WDPCP: variants seen among roughly 807,000 people sequenced by gnomAD.
WDPCP encodes WD repeat containing planar cell polarity effector.
WDPCP carries 71 observed loss-of-function variants against 93.1 expected under a neutral mutation model. The observed-to-expected ratio is 0.76, with a 90% CI of 0.63 to 0.93. WDPCP has a LOEUF of 0.93. WDPCP is among the 40% of genes least tolerant of loss of function. The probability of loss-of-function intolerance (pLI) is 0.00; values close to 1 mark genes in which losing one functional copy is unlikely to be tolerated. For missense variants in WDPCP, 844 were observed against 887.4 expected, an observed-to-expected ratio of 0.95 and a Z score of 0.62; for synonymous variants, 315 against 315.0, an observed-to-expected ratio of 1.00 and a Z score of 0.00.
intron 2 of WDPCP, among the ~76,000 whole-genome samples, chr2:63,722,274 A>G (rs1669428773): frequency 7.5e-6 from 1 of 133,378 alleles, no homozygotes; most frequent in South Asian, 2.4e-4. Flanking sequence ...CATCCCACCT[A>G]GGAAGTGAGG....
In WDPCP at chr2:63,640,378, C is replaced by G. The variant is rs149875447; in HGVS notation, n.488+10281G>C. On this transcript the variant is annotated intron_variant and non_coding_transcript_variant, in intron 3 of 4. Coordinates refer to the WDPCP transcript ENST00000467687. ...ATGTAGCAGTGTTCCCCTGTAGTCC[C>G]AGCTATTCAGGTGGCAGTGGCAGGA... 9.0e-3 allele frequency among the ~76,000 whole-genome samples: 1,374 copies of G among 152,242 alleles called. 20 individuals are homozygous for G. Among genetic ancestry groups the G allele is most frequent in the African/African-American group, 0.032 (1,328 of 41,552 alleles).
chr2:63,486,537 C>T lies in WDPCP; in HGVS notation c.253+5G>A. ...ATAATTCCAAAAAATATAAAGTAAG[C>T]TTACACTCTGCCAGCTTCTGCTTCT... On this transcript the variant is annotated splice_donor_5th_base_variant and intron_variant, in intron 4 of 17. Coordinates refer to ENST00000272321, the MANE Select transcript of WDPCP (RefSeq NM_015910.7). The T allele has an allele frequency of 6.4e-7, 1 of 1,568,512 alleles. No homozygotes were observed.
intron 2 of WDPCP, among the ~76,000 whole-genome samples, chr2:63,657,653 C>T (rs978616821): frequency 1.3e-5 from 2 of 152,054 alleles, no homozygotes; most frequent in Non-Finnish European, 2.9e-5. Flanking sequence ...GGTAAGCGGG[C>T]GGATTTGAGA....
intron 8 of WDPCP, 100 bp from the exon 9 acceptor site, chr2:63,434,036 C>T (rs1341525374): frequency 2.4e-6 from 3 of 1,229,770 alleles, no homozygotes; most frequent in Admixed American, 2.0e-5. Context: ...TAGTTACATG[C>T]AAGTAAATAT....
chr2:63,654,918 G>A lies in WDPCP; in HGVS notation n.309-4080C>T, dbSNP rs567198508. On this transcript the variant is annotated intron_variant and non_coding_transcript_variant, in intron 2 of 4. Coordinates refer to the WDPCP transcript ENST00000467687. ...GAACCACAGATATGGGGGACTGACT[G>A]TACTGGGATTAAGCTTTGCCTTTGC... Among the ~76,000 whole-genome samples, 15 of 152,186 alleles carry A rather than the reference G, an allele frequency of 9.9e-5. 1 individual carries two copies. In the South Asian group the frequency reaches 2.7e-3, roughly 27 times the overall value.
intron 2 of WDPCP, among the ~76,000 whole-genome samples, chr2:63,715,052 C>G (rs1185444215): frequency 6.6e-6 from 1 of 152,156 alleles, no homozygotes; most frequent in Non-Finnish European, 1.5e-5. Context: ...AGGCCAGACA[C>G]AAAGGTCACA....
chr2:63,125,445 C>A (rs1669828435), intron 17 of WDPCP, among the ~76,000 whole-genome samples: 1 of 152,118 alleles, frequency 6.6e-6, no homozygotes, highest in Admixed American at 6.6e-5. Flanking sequence ...AACTCTAAGA[C>A]ATGTTTAGTT....
At chr2:63,659,263 C>T (rs1226136220) in intron 2 of WDPCP, among the ~76,000 whole-genome samples, 1 of 152,058 alleles carries the variant, frequency 6.6e-6, no homozygotes, top group African/African-American at 2.4e-5. Context: ...TAATAATGGT[C>T]GAGAGAAAAA....
intron 2 of WDPCP, among the ~76,000 whole-genome samples, chr2:63,766,239 A>G (rs1311396283): frequency 6.6e-6 from 1 of 152,210 alleles, no homozygotes; most frequent in Non-Finnish European, 1.5e-5. Flanking sequence ...CTCCCTGAAC[A>G]TATACATTAC....
chr2:63,249,144 C>G (rs1680516274), intron 14 of WDPCP, among the ~76,000 whole-genome samples: 1 of 151,964 alleles, frequency 6.6e-6, no homozygotes, highest in Non-Finnish European at 1.5e-5. Flanking sequence ...GCCATCTTTC[C>G]CGGTCTTTGC....
intron 1 of WDPCP, among the ~76,000 whole-genome samples, chr2:63,557,166 C>T (rs1015712770): frequency 6.6e-6 from 1 of 151,816 alleles, no homozygotes; most frequent in African/African-American, 2.4e-5. Context: ...CTCATTTAAC[C>T]GTAAATGTAA....
chr2:63,146,708 A>G (rs1671536695), intron 17 of WDPCP, among the ~76,000 whole-genome samples: 1 of 152,162 alleles, frequency 6.6e-6, no homozygotes, highest in African/African-American at 2.4e-5. Flanking sequence ...TATGTATGCT[A>G]AAGTGGCTAA....
At chr2:63,354,019 C>G (rs1340766538) in intron 12 of WDPCP, among the ~76,000 whole-genome samples, 6 of 152,168 alleles carry the variant, frequency 3.9e-5, no homozygotes, top group Admixed American at 3.3e-4. Context: ...ACAGAGCCTT[C>G]AGGGGCAACT....
At chr2:63,594,562 T>A in intron 3 of WDPCP, 1 of 1,613,452 alleles carries the variant, frequency 6.2e-7, no homozygotes, top group Non-Finnish European at 8.5e-7. Context: ...GTATTGGAAA[T>A]GGATCTGTCT....
intron 3 of WDPCP, among the ~76,000 whole-genome samples, chr2:63,636,753 C>A (rs1709924662): frequency 6.6e-6 from 1 of 152,040 alleles, no homozygotes; most frequent in Non-Finnish European, 1.5e-5. Context: ...GAATACAGAG[C>A]CCAGAAATAA....
intron 1 of WDPCP, among the ~76,000 whole-genome samples, chr2:63,515,395 A>G (rs1372831861): frequency 6.6e-6 from 1 of 152,162 alleles, no homozygotes; most frequent in African/African-American, 2.4e-5. Flanking sequence ...ACGTTATCCA[A>G]TATGTGGCAC....
chr2:63,500,358 T>C (rs1349764736), intron 1 of WDPCP, among the ~76,000 whole-genome samples: 2 of 151,926 alleles, frequency 1.3e-5, no homozygotes, highest in African/African-American at 2.4e-5. Flanking sequence ...AAGTCAAAGA[T>C]AGATAGTCTG....
In WDPCP at chr2:63,695,129, GAT is replaced by G. The variant is rs1307432970; in HGVS notation, n.309-44293_309-44292del. ...TTGTCTTATTTCCCTTATTTTCATT[GAT>G]ATGAATGTGGGAATGAGAAACCAAG... On this transcript the variant is annotated intron_variant and non_coding_transcript_variant, in intron 2 of 4. Transcript: ENST00000467687. 3.3e-5 allele frequency among the ~76,000 whole-genome samples: 5 copies of G among 152,192 alleles called. No individual in the cohort carries two copies. The East Asian group carries it at 9.6e-4, about 29-fold the overall frequency.
At chr2:63,660,057 T>A (rs1710209242) in intron 2 of WDPCP, among the ~76,000 whole-genome samples, 1 of 152,260 alleles carries the variant, frequency 6.6e-6, no homozygotes, top group South Asian at 2.1e-4. Context: ...CTAAAGTATT[T>A]TTCACAAAAC....
Sources: gnomAD v4.1 joint callset for allele counts (sites outside exome capture counted in the v4.1 genomes callset) on GRCh38, gnomAD v4.1.1 for gene constraint, MANE v1.5 for transcripts, NCBI Gene and HGNC (gene_info 2026-07-23, HGNC 2026-07-21) for gene names.